The following AKT3 variants were observed in gnomAD, a reference collection of about 807,000 sequenced individuals.
AKT3 encodes RAC-gamma serine/threonine-protein kinase.
AKT3 carries 15 observed loss-of-function variants against 65.3 expected under a neutral mutation model. The observed-to-expected ratio is 0.23, with a 90% CI of 0.15 to 0.35. AKT3 has a LOEUF of 0.35. Ranked by LOEUF, AKT3 falls within the 10% of genes least tolerant of loss-of-function variation. AKT3 has a pLI of 1.00. For missense variants in AKT3, 243 were observed against 576.5 expected, an observed-to-expected ratio of 0.42 and a Z score of 5.92; for synonymous variants, 206 against 183.8, an observed-to-expected ratio of 1.12 and a Z score of -0.98.
At chr1:243,513,313 C>G (rs1223175144) in intron 12 of AKT3, among the ~76,000 whole-genome samples, 1 of 152,148 alleles carries the variant, frequency 6.6e-6, no homozygotes, top group East Asian at 1.9e-4. Context: ...AGTCCCAGAG[C>G]ATTAGGGTCA....
chr1:243,489,583 A>T (rs546096929), intron 13 of AKT3, among the ~76,000 whole-genome samples: 5 of 152,348 alleles, frequency 3.3e-5, no homozygotes, highest in African/African-American at 1.2e-4. Flanking sequence ...GAAGGCAGGC[A>T]TCTCATCCTA....
chr1:243,664,820 C>T lies in AKT3; in HGVS notation c.236G>A (p.Trp79Ter). The T allele has an allele frequency of 6.3e-7, 1 of 1,591,486 alleles. No homozygotes were observed. Among genetic ancestry groups the T allele is most frequent in the Non-Finnish European group, 8.5e-7 (1 of 1,170,894 alleles). Residue 79 changes from tryptophan to a stop codon, truncating the protein, a stop_gained, in exon 4 of 14, where the codon TGG (tryptophan) becomes TAG (stop). Transcript: ENST00000673466. LOFTEE classifies it high-confidence loss of function. ...PNTFIIRCLQ[W>*]TTVIERTFHV... is the part of the protein sequence containing the mutation. ...AAATGTTCTCTCTATAACAGTAGTC[C>T]ACTGGAGACATCTGATTATAAATGT...
chr1:243,503,950 A>G lies in AKT3; in HGVS notation c.*1299T>C. On this transcript the variant is annotated 3_prime_UTR_variant, in exon 14 of 14. Coordinates refer to ENST00000673466, the MANE Select transcript of AKT3 (RefSeq NM_005465.7). ...CTTAAATGAGCAAACGTCAACAGCT[A>G]TTTGTTTCATTAACCCCTTGGCATG... The G allele has an allele frequency of 4.4e-6, 1 of 225,986 alleles. No homozygotes were observed. The allele number at this position is 225,986 out of a possible 1,614,324, so 14.0% of individuals were successfully genotyped here.
chr1:243,720,687 T>C (rs1384605022), intron 2 of AKT3, among the ~76,000 whole-genome samples: 1 of 152,120 alleles, frequency 6.6e-6, no homozygotes, highest in African/African-American at 2.4e-5. Context: ...TCCTCAAATA[T>C]TAGTATCTTA....
intron 12 of AKT3, among the ~76,000 whole-genome samples, chr1:243,541,988 A>G (rs1672351814): frequency 6.6e-6 from 1 of 152,222 alleles, no homozygotes; most frequent in African/African-American, 2.4e-5. Flanking sequence ...AATTTGTGTA[A>G]GACTTAAACA....
intron 2 of AKT3, among the ~76,000 whole-genome samples, chr1:243,777,345 C>T (rs1197580761): frequency 1.3e-5 from 2 of 152,186 alleles, no homozygotes; most frequent in African/African-American, 2.4e-5. Context: ...ATGCACACCT[C>T]CTGCCGTGTG....
At chr1:243,623,322 C>T (rs1678906859) in intron 6 of AKT3, among the ~76,000 whole-genome samples, 1 of 152,134 alleles carries the variant, frequency 6.6e-6, no homozygotes, top group Admixed American at 6.5e-5. Flanking sequence ...CACTTCACTA[C>T]TGGGAGAATT....
intron 12 of AKT3, among the ~76,000 whole-genome samples, chr1:243,534,717 A>T (rs569879507): frequency 6.6e-6 from 1 of 152,318 alleles, no homozygotes; most frequent in South Asian, 2.1e-4. Context: ...GCTCCAAAAT[A>T]CCTGTAGACT....
intron 2 of AKT3, among the ~76,000 whole-genome samples, chr1:243,730,990 G>A (rs940661588): frequency 7.2e-5 from 11 of 152,270 alleles, no homozygotes; most frequent in Middle Eastern, 3.4e-3. Flanking sequence ...CTCATCAGGC[G>A]TGGGATCCGG....
At chr1:243,642,351 C>A (rs1181914820) in intron 5 of AKT3, among the ~76,000 whole-genome samples, 1 of 152,184 alleles carries the variant, frequency 6.6e-6, no homozygotes, top group Non-Finnish European at 1.5e-5. Flanking sequence ...GCTCTGTCGC[C>A]CAGGCTAGAG....
chr1:243,575,147 C>G (rs909633197), intron 8 of AKT3, among the ~76,000 whole-genome samples: 1 of 152,160 alleles, frequency 6.6e-6, no homozygotes. Flanking sequence ...ACAGTCTGCA[C>G]TGCTTCTTCC....
chr1:243,573,081 T>C lies in AKT3; in HGVS notation c.697-33A>G, dbSNP rs184238660. 91 of 1,606,108 alleles carry C rather than the reference T, an allele frequency of 5.7e-5. No individual in the cohort carries two copies. In the East Asian group the frequency reaches 2.0e-3, roughly 36 times the overall value. On this transcript the variant is annotated intron_variant, in intron 8 of 13. Transcript: ENST00000673466. The stretch of plus-strand genomic sequence containing the variant: ...GTAAACAGCAGGGACAGGATTGTAA[T>C]AATTACTGATTTAGTGGGGGAAATT...
intron 2 of AKT3, among the ~76,000 whole-genome samples, chr1:243,731,375 C>G (rs1321799382): frequency 6.6e-6 from 1 of 152,096 alleles, no homozygotes; most frequent in African/African-American, 2.4e-5. Context: ...TGATATACAG[C>G]AAGAACTAAG....
At chr1:243,649,305 ATGTGTATATGTGTGTGTG>A (rs1681086631) in intron 4 of AKT3, among the ~76,000 whole-genome samples, 2 of 102,516 alleles carry the variant, frequency 2.0e-5, no homozygotes, top group Non-Finnish European at 4.2e-5. Flanking sequence ...AGAATATGTT[ATGTGTATATGTGTGTGTG>A]TGTGTGTGTG....
intron 2 of AKT3, among the ~76,000 whole-genome samples, chr1:243,745,183 T>TA (rs902543714): frequency 6.6e-6 from 1 of 151,706 alleles, no homozygotes; most frequent in Non-Finnish European, 1.5e-5. Context: ...ACGGAAAATT[T>TA]AAAAATTAGC....
At chr1:243,779,125 A>G (rs1690747297) in intron 2 of AKT3, among the ~76,000 whole-genome samples, 1 of 152,134 alleles carries the variant, frequency 6.6e-6, no homozygotes, top group African/African-American at 2.4e-5. Context: ...AAAAAGGGAG[A>G]AAAATGTTAA....
At chr1:243,759,550 G>GA (rs201086316) in intron 2 of AKT3, among the ~76,000 whole-genome samples, 63 of 145,482 alleles carry the variant, frequency 4.3e-4, no homozygotes, top group African/African-American at 7.3e-4. Context: ...GAATTAAAAA[G>GA]AAAAAAAAAA....
chr1:243,764,073 A>G (rs1406365758), intron 2 of AKT3, among the ~76,000 whole-genome samples: 2 of 152,110 alleles, frequency 1.3e-5, no homozygotes, highest in African/African-American at 2.4e-5. Flanking sequence ...TGGGGCTTAT[A>G]CAACAGATTA....
At chr1:243,762,020 C>G (rs1689527732) in intron 2 of AKT3, among the ~76,000 whole-genome samples, 2 of 152,010 alleles carry the variant, frequency 1.3e-5, no homozygotes, top group South Asian at 4.1e-4. Context: ...GTCAGGATAC[C>G]TGGCAACTGT....
Sources: gnomAD v4.1 joint callset for allele counts (sites outside exome capture counted in the v4.1 genomes callset) on GRCh38, gnomAD v4.1.1 for gene constraint, MANE v1.5 for transcripts, NCBI Gene and HGNC (gene_info 2026-07-23, HGNC 2026-07-21) for gene names.